Variants in IGSF9B observed in about 807,000 individuals in gnomAD.
The protein encoded by IGSF9B is immunoglobulin superfamily member 9B, also known as protein turtle homolog B.
IGSF9B carries 48 observed loss-of-function variants against 143.7 expected under a neutral mutation model. The ratio of observed to expected loss-of-function variants is 0.33; its 90% CI spans 0.26 to 0.42. IGSF9B has a LOEUF of 0.42. Ranked by LOEUF, IGSF9B falls within the 20% of genes least tolerant of loss-of-function variation. The pLI is 1.00. For synonymous variants in IGSF9B, 903 were observed against 833.1 expected, an observed-to-expected ratio of 1.08 and a Z score of -1.44; for missense variants, 1,706 against 1,980.0, an observed-to-expected ratio of 0.86 and a Z score of 2.63.
intron 18 of IGSF9B, among the ~76,000 whole-genome samples, chr11:133,914,646 G>A (rs968563983): frequency 1.3e-5 from 2 of 152,146 alleles, no homozygotes; most frequent in African/African-American, 4.8e-5. Context: ...GCTCAGCACC[G>A]AAGCATAGCC....
intron 7 of IGSF9B, among the ~76,000 whole-genome samples, chr11:133,933,630 C>T (rs1271526044): frequency 6.6e-6 from 1 of 152,182 alleles, no homozygotes; most frequent in Non-Finnish European, 1.5e-5. Context: ...CACCTGTAGT[C>T]CCAGCTACTC....
At position 133,953,103 on chromosome 11, in the gene IGSF9B, G is replaced by T. The variant is rs1940192753; in HGVS notation, c.64+3588C>A. On this transcript the variant is annotated intron_variant, in intron 1 of 19. Transcript: ENST00000533871. The surrounding 1 kb of genome is among the most constrained non-coding windows in gnomAD (Gnocchi z 4.2). ...AAGACACAGCCAGCACCCTGGCTGG[G>T]GAGAAGGCAAAGGTACAGGAGGTTG... 6.6e-6 allele frequency among the ~76,000 whole-genome samples: 1 copy of T among 152,182 alleles called. No homozygotes were observed. Among genetic ancestry groups the T allele is most frequent in the Non-Finnish European group, 1.5e-5 (1 of 68,030 alleles).
Position 133,932,123 on chromosome 11 carries a change from G to C in IGSF9B, c.1058C>G (p.Pro353Arg). ...CTTGTTCCACTTGACCACGGTGGCC[G>C]GTGGTTCTGCGTCCACAGGGCAGCG... ...YIRCPVDAEP[P>R]ATVVKWNKDG... Residue 353 changes from proline to arginine, a missense_variant, in exon 8 of 20, where the codon CCG becomes CGG. Physicochemically the swap from Pro to Arg is moderately radical, Grantham distance 103. Coordinates refer to ENST00000533871, the MANE Select transcript of IGSF9B (RefSeq NM_001277285.4). The C allele has an allele frequency of 6.2e-7, 1 of 1,613,516 alleles. No homozygotes were observed.
chr11:133,923,991 CT>C (rs1178806424), intron 15 of IGSF9B, among the ~76,000 whole-genome samples: 3 of 152,128 alleles, frequency 2.0e-5, no homozygotes, highest in Non-Finnish European at 2.9e-5. Flanking sequence ...CCATTGATGC[CT>C]AATGTATAAA....
At chr11:133,929,227 T>C (rs1382740276) in intron 12 of IGSF9B, among the ~76,000 whole-genome samples, 1 of 152,304 alleles carries the variant, frequency 6.6e-6, no homozygotes, top group East Asian at 1.9e-4. Flanking sequence ...ACGTACCCCA[T>C]ACCTACAAAC....
At chr11:133,939,348 A>G (rs543303890) in intron 3 of IGSF9B, among the ~76,000 whole-genome samples, 53 of 152,318 alleles carry the variant, frequency 3.5e-4, no homozygotes, top group Middle Eastern at 3.4e-3. Context: ...TTCAAAGCAC[A>G]TATCACTTAC....
intron 1 of IGSF9B, among the ~76,000 whole-genome samples, chr11:133,952,755 A>T (rs1008966931): frequency 5.3e-5 from 8 of 151,758 alleles, no homozygotes; most frequent in African/African-American, 1.9e-4. Flanking sequence ...ATATGTACAC[A>T]TATAGGAACA....
chr11:133,920,844 A>T lies in IGSF9B; in HGVS notation c.2881T>A (p.Phe961Ile), dbSNP rs771206542. The change falls in exon 18 of 20, where the codon TTC becomes ATC. Residue 961 changes from phenylalanine (F) to isoleucine (I), a missense_variant. Phe to Ile is a conservative substitution (Grantham distance 21, BLOSUM62 0). Transcript: ENST00000533871. ...TACCCATAATACTGGCCATGGTGGA[A>T]GGGCCGGGGGGCAGGGGGCCGGGCC... ...GQARPPAPRP[F>I]HHGQYYGYLS... 5.6e-6 allele frequency: 9 copies of T among 1,598,720 alleles called. No individual in the cohort carries two copies. In the South Asian group the frequency reaches 1.0e-4, roughly 18 times the overall value.
chr11:133,917,512 G>A (rs963308943), intron 18 of IGSF9B, among the ~76,000 whole-genome samples: 2 of 152,112 alleles, frequency 1.3e-5, no homozygotes, highest in Admixed American at 1.3e-4. Flanking sequence ...ATGACCCAGG[G>A]AGGACGACAA....
intron 18 of IGSF9B, among the ~76,000 whole-genome samples, chr11:133,919,483 C>T (rs1185002074): frequency 6.6e-6 from 1 of 152,204 alleles, no homozygotes; most frequent in Non-Finnish European, 1.5e-5. Flanking sequence ...GTAGGTGGTG[C>T]GCCCGCCGAG....
At chr11:133,921,547 A>G in intron 17 of IGSF9B, 150 bp from the exon 18 acceptor site, 2 of 562,286 alleles carry the variant, frequency 3.6e-6, no homozygotes, top group South Asian at 3.3e-5. Context: ...GCTTTGGCCA[A>G]CTCTCCACCG....
intron 1 of IGSF9B, among the ~76,000 whole-genome samples, chr11:133,947,575 T>C (rs1456670136): frequency 1.3e-5 from 2 of 152,192 alleles, no homozygotes; most frequent in Non-Finnish European, 2.9e-5. Context: ...CCCATTCCGG[T>C]GCCTCGGTCT....
intron 7 of IGSF9B, among the ~76,000 whole-genome samples, chr11:133,934,056 G>A (rs985793813): frequency 6.6e-6 from 1 of 151,364 alleles, no homozygotes; most frequent in Admixed American, 6.6e-5. Context: ...CTTTTTAGCA[G>A]AAATAAAAAT....
chr11:133,930,909 C>G, intron 11 of IGSF9B, 75 bp downstream of exon 11: 1 of 1,407,966 alleles, frequency 7.1e-7, no homozygotes, highest in African/African-American at 1.4e-5. Flanking sequence ...AGGGGACGCT[C>G]CCAGCGTCCA....
chr11:133,934,181 G>A (rs1251154420), intron 7 of IGSF9B, among the ~76,000 whole-genome samples: 1 of 152,164 alleles, frequency 6.6e-6, no homozygotes, highest in Non-Finnish European at 1.5e-5. Flanking sequence ...GAGAGACAGG[G>A]AAAACCAAAA....
At chr11:133,944,778 C>T (rs1297199404) in intron 2 of IGSF9B, among the ~76,000 whole-genome samples, 1 of 152,160 alleles carries the variant, frequency 6.6e-6, no homozygotes, top group Non-Finnish European at 1.5e-5. Flanking sequence ...CCAGCGCACC[C>T]GGGAGCACCT....
intron 3 of IGSF9B, among the ~76,000 whole-genome samples, chr11:133,940,362 C>CAA (rs1939922626): frequency 1.6e-5 from 2 of 121,490 alleles, no homozygotes; most frequent in Admixed American, 8.9e-5. Flanking sequence ...ATCGCACGCA[C>CAA]ACACACCTCG....
chr11:133,923,431 T>C (rs554763674), intron 15 of IGSF9B, among the ~76,000 whole-genome samples: 1 of 152,268 alleles, frequency 6.6e-6, no homozygotes, highest in South Asian at 2.1e-4. Context: ...GAGCCAAATC[T>C]CTCGTTTCAC....
chr11:133,921,220 G>A lies in IGSF9B; in HGVS notation c.2505C>T (p.Ala835=), dbSNP rs1446841210. The part of the protein sequence containing the change: ...RAISSKKYSV[A]KAEAEAEATT... Reference sequence around the variant, plus strand: ...TGGCCTCTGCCTCGGCCTCTGCCTTGGCCACGCTGTACTTCTTGCTGCTGA... The same window carrying A: ...TGGCCTCTGCCTCGGCCTCTGCCTTAGCCACGCTGTACTTCTTGCTGCTGA... Residue 835 remains alanine (A), a synonymous_variant, in exon 18 of 20, where the codon GCC becomes GCT. Coordinates refer to ENST00000533871, the MANE Select transcript of IGSF9B (RefSeq NM_001277285.4). 6.2e-7 allele frequency: 1 copy of A among 1,610,018 alleles called. No homozygotes were observed.
Sources: allele counts gnomAD v4.1 joint callset (sites outside exome capture counted in the v4.1 genomes callset), GRCh38; gene constraint gnomAD v4.1.1; non-coding constraint Gnocchi (gnomAD v3.1); transcripts MANE v1.5; gene names NCBI Gene and HGNC (gene_info 2026-07-23, HGNC 2026-07-21).